Variants in ITGB5 observed in about 807,000 individuals in gnomAD.
The protein encoded by ITGB5 is integrin beta-5.
A neutral mutation model predicts 84.8 loss-of-function variants in ITGB5; 38 were observed. That is an observed-to-expected ratio of 0.45 (90% CI 0.35 to 0.59). The LOEUF is 0.59. Ranked by LOEUF, ITGB5 falls within the 20% of genes least tolerant of loss-of-function variation. ITGB5 has a pLI of 0.01. For missense variants in ITGB5, 905 were observed against 1,034.5 expected (o/e 0.87, Z 1.72); for synonymous variants, 393 against 414.4 (o/e 0.95, Z 0.63).
chr3:124,863,691 G>T (rs1170285707), intron 2 of ITGB5, among the ~76,000 whole-genome samples: 1 of 152,142 alleles, frequency 6.6e-6, no homozygotes, highest in African/African-American at 2.4e-5. Flanking sequence ...GCTAATTTTT[G>T]TATTTTTAGT....
intron 10 of ITGB5, among the ~76,000 whole-genome samples, chr3:124,774,144 G>A (rs1480255242): frequency 6.6e-6 from 1 of 152,190 alleles, no homozygotes. Flanking sequence ...CTCCAAGTTG[G>A]TCCAGAACTT....
chr3:124,893,682 G>A (rs938241083), intron 1 of ITGB5, among the ~76,000 whole-genome samples: 1 of 152,120 alleles, frequency 6.6e-6, no homozygotes, highest in African/African-American at 2.4e-5. Context: ...AGTGAAAATA[G>A]CCTATTATGC....
upstream of ITGB5, among the ~76,000 whole-genome samples, chr3:124,892,681 G>A (rs1935024111): frequency 7.1e-6 from 1 of 141,090 alleles, no homozygotes; most frequent in Admixed American, 7.1e-5. Flanking sequence ...GGTGACAGAG[G>A]GAGACTCTGT....
intron 1 of ITGB5, among the ~76,000 whole-genome samples, chr3:124,898,773 T>TAAAAAA (rs36079714): frequency 9.1e-6 from 1 of 109,712 alleles, no homozygotes; most frequent in African/African-American, 3.6e-5. Flanking sequence ...CCCCATGTCT[T>TAAAAAA]AAAAAAAAAA....
intron 1 of ITGB5, among the ~76,000 whole-genome samples, chr3:124,895,545 A>G (rs1198455692): frequency 6.6e-6 from 1 of 152,148 alleles, no homozygotes; most frequent in Non-Finnish European, 1.5e-5. Context: ...TGTCTTAGGT[A>G]TACTAGTGGC....
intron 4 of ITGB5, among the ~76,000 whole-genome samples, chr3:124,847,730 G>A (rs1349901307): frequency 1.3e-5 from 2 of 152,106 alleles, no homozygotes; most frequent in Non-Finnish European, 2.9e-5. Flanking sequence ...GCAAGTTTGA[G>A]CCATTATACA....
At chr3:124,786,477 A>G (rs866865282) in intron 10 of ITGB5, among the ~76,000 whole-genome samples, 2 of 152,190 alleles carry the variant, frequency 1.3e-5, no homozygotes, top group African/African-American at 4.8e-5. Flanking sequence ...CATGACGTCA[A>G]ATAACATACC....
intron 9 of ITGB5, among the ~76,000 whole-genome samples, chr3:124,808,754 T>C (rs1434045642): frequency 1.3e-5 from 2 of 152,166 alleles, no homozygotes; most frequent in African/African-American, 2.4e-5. Flanking sequence ...GGATAATGGT[T>C]TAAAACACCA....
intron 1 of ITGB5, among the ~76,000 whole-genome samples, chr3:124,882,875 C>G (rs1347182230): frequency 6.6e-6 from 1 of 152,192 alleles, no homozygotes; most frequent in Non-Finnish European, 1.5e-5. Context: ...ATGAGTCAAG[C>G]CTGTCTTAGA....
chr3:124,860,114 T>C (rs911149129), intron 2 of ITGB5, among the ~76,000 whole-genome samples: 1 of 152,202 alleles, frequency 6.6e-6, no homozygotes. Flanking sequence ...ACTGACCCAG[T>C]GCTCTACTCC....
chr3:124,897,669 T>A (rs6810148), intron 1 of ITGB5, among the ~76,000 whole-genome samples: 60,716 of 151,562 alleles, frequency 0.4, 12,722 homozygotes, highest in East Asian at 0.68. Flanking sequence ...TAAAGAAAAA[T>A]TTTTTTTTAA....
intron 10 of ITGB5, among the ~76,000 whole-genome samples, chr3:124,785,653 C>T (rs968256435): frequency 8.6e-5 from 13 of 151,664 alleles, no homozygotes; most frequent in African/African-American, 3.1e-4. Flanking sequence ...ATAACAACAG[C>T]CAGATACCCA....
intron 8 of ITGB5, among the ~76,000 whole-genome samples, chr3:124,812,609 G>A (rs557864788): frequency 6.6e-6 from 1 of 152,294 alleles, no homozygotes; most frequent in Non-Finnish European, 1.5e-5. Context: ...CCACGGCTGA[G>A]CTCAGGAGGG....
At position 124,859,833 on chromosome 3, in the gene ITGB5, A is replaced by G. The variant is rs548905196; in HGVS notation, c.157-387T>C. ...CATGGTGGCTCATGCCTGTAATCCC[A>G]GCTATTTGGGAGACTGAGGTGGGAG... is the stretch of plus-strand genomic sequence containing the variant. On this transcript the variant is annotated intron_variant, in intron 2 of 14. Coordinates refer to ENST00000296181, the MANE Select transcript of ITGB5 (RefSeq NM_002213.5). Among the ~76,000 whole-genome samples the G allele has an allele frequency of 2.6e-5, 4 of 152,320 alleles. No individual in the cohort carries two copies. In the East Asian group the frequency reaches 7.7e-4, roughly 29 times the overall value.
intron 1 of ITGB5, among the ~76,000 whole-genome samples, chr3:124,899,205 A>G (rs976221825): frequency 4.6e-5 from 7 of 152,234 alleles, no homozygotes; most frequent in Admixed American, 1.3e-4. Context: ...TTGTTTTCAT[A>G]TTCCAGGACA....
intron 5 of ITGB5, among the ~76,000 whole-genome samples, chr3:124,835,939 A>T (rs1434377418): frequency 6.6e-6 from 1 of 152,154 alleles, no homozygotes; most frequent in Non-Finnish European, 1.5e-5. Flanking sequence ...CCTGAGCCAG[A>T]AGAGACAAAA....
At position 124,764,430 on chromosome 3, in the gene ITGB5, T is replaced by C; in HGVS notation, c.2265A>G (p.Ala755=). ...CCCTGGATCGCTCGCTCTGAAACTT[T>C]GCAAACTCCCTCCGGTCGTGGATGG... ...LVTIHDRREF[A]KFQSERSRAR... The change falls in exon 14 of 15, where the codon GCA becomes GCG. Residue 755 remains alanine (A), a synonymous_variant. Coordinates refer to ENST00000296181, the MANE Select transcript of ITGB5 (RefSeq NM_002213.5). 1 of 1,613,796 alleles carries C rather than the reference T, an allele frequency of 6.2e-7. No individual in the cohort carries two copies. The highest frequency in any genetic ancestry group is 1.1e-5 in the South Asian group (1 of 91,066).
At chr3:124,782,610 C>A (rs774789832) in intron 10 of ITGB5, among the ~76,000 whole-genome samples, 3 of 152,162 alleles carry the variant, frequency 2.0e-5, no homozygotes, top group Non-Finnish European at 4.4e-5. Context: ...GTAATCCCAG[C>A]ACTTTGGGAG....
At chr3:124,889,166 A>C (rs1251449510), upstream of ITGB5, among the ~76,000 whole-genome samples, 1 of 152,224 alleles carries the variant, frequency 6.6e-6, no homozygotes, top group Non-Finnish European at 1.5e-5. Flanking sequence ...AAGGACAGAC[A>C]GAACTCAAAG....
Sources: allele counts gnomAD v4.1 joint callset (sites outside exome capture counted in the v4.1 genomes callset), GRCh38; gene constraint gnomAD v4.1.1; transcripts MANE v1.5; gene names NCBI Gene and HGNC (gene_info 2026-07-23, HGNC 2026-07-21).